Variants in FAM13A observed in about 807,000 individuals in gnomAD.
FAM13A encodes family with sequence similarity 13 member A.
A neutral mutation model predicts 129.6 loss-of-function variants in FAM13A; 76 were observed. That is an observed-to-expected ratio of 0.59 (90% confidence interval 0.49 to 0.71). The LOEUF (loss-of-function observed/expected upper bound fraction) is 0.71. Ranked by LOEUF, FAM13A falls within the 30% of genes least tolerant of loss-of-function variation. The probability of loss-of-function intolerance (pLI) is 0.00; values close to 1 mark genes in which losing one functional copy is unlikely to be tolerated. For missense variants in FAM13A, 1,108 were observed against 1,249.3 expected, an observed-to-expected ratio of 0.89 and a Z score of 1.70; for synonymous variants, 443 against 449.9, an observed-to-expected ratio of 0.98 and a Z score of 0.20.
In FAM13A at chr4:88,915,071, T is replaced by C. The variant is rs76081928; in HGVS notation, c.760-8609A>G. ...AAGACAGAGAGCAATACTGATATGA[T>C]TACAAATTGAAGTAGCAAAGGCCCA... is the stretch of plus-strand genomic sequence containing the variant. On this transcript the variant is annotated intron_variant, in intron 5 of 23. Coordinates refer to ENST00000264344, the MANE Select transcript of FAM13A (RefSeq NM_014883.4). Among the ~76,000 whole-genome samples, 1,129 of 152,268 alleles carry C rather than the reference T, an allele frequency of 7.4e-3. 56 individuals are homozygous for C. Among genetic ancestry groups the C allele is most frequent in the Admixed American group, 0.058 (885 of 15,292 alleles).
At chr4:88,756,261 G>C (rs907654485) in intron 14 of FAM13A, among the ~76,000 whole-genome samples, 17 of 152,274 alleles carry the variant, frequency 1.1e-4, no homozygotes, top group Non-Finnish European at 2.4e-4. Flanking sequence ...AGCATGACCA[G>C]ACTCGGATCC....
At chr4:88,841,001 AC>A (rs755312195) in intron 7 of FAM13A, among the ~76,000 whole-genome samples, 4,495 of 129,728 alleles carry the variant, frequency 0.035, 92 homozygotes, top group Non-Finnish European at 0.047. Context: ...TGGATCAAAG[AC>A]CAAAATGGAT....
intron 6 of FAM13A, among the ~76,000 whole-genome samples, chr4:88,883,047 CAGCAATACAATAAT>C (rs1201298790): frequency 6.6e-6 from 1 of 152,128 alleles, no homozygotes; most frequent in East Asian, 1.9e-4. Context: ...ATAAGATAGA[CAGCAATACAATAAT>C]AGTCAGAGAC....
chr4:88,885,545 C>T (rs1264670458), intron 6 of FAM13A, among the ~76,000 whole-genome samples: 2 of 152,130 alleles, frequency 1.3e-5, no homozygotes, highest in African/African-American at 2.4e-5. Context: ...GACCTGAGCC[C>T]ACAAAAATTC....
chr4:89,012,477 A>C (rs1330700497), intron 3 of FAM13A, among the ~76,000 whole-genome samples: 2 of 152,236 alleles, frequency 1.3e-5, no homozygotes, highest in African/African-American at 2.4e-5. Context: ...TCTGGAAGAA[A>C]TAAAATAGAG....
intron 6 of FAM13A, among the ~76,000 whole-genome samples, chr4:88,890,655 C>G (rs1331186895): frequency 6.6e-6 from 1 of 152,022 alleles, no homozygotes; most frequent in Non-Finnish European, 1.5e-5. Context: ...AAGGAAATAA[C>G]AATCAGAGAT....
chr4:88,880,361 C>A (rs1324177354), intron 6 of FAM13A, among the ~76,000 whole-genome samples: 1 of 152,104 alleles, frequency 6.6e-6, no homozygotes, highest in African/African-American at 2.4e-5. Context: ...TTGACCTTAC[C>A]TGGAGCTGAG....
chr4:89,016,609 T>A (rs1444632290), intron 3 of FAM13A, among the ~76,000 whole-genome samples: 1 of 152,068 alleles, frequency 6.6e-6, no homozygotes, highest in Non-Finnish European at 1.5e-5. Context: ...TATACTATAT[T>A]TTTACGTACC....
chr4:89,047,848 T>C (rs948019438), intron 1 of FAM13A, among the ~76,000 whole-genome samples: 1 of 152,084 alleles, frequency 6.6e-6, no homozygotes, highest in African/African-American at 2.4e-5. Context: ...GCAAAAAATA[T>C]GAAAACACAT....
At chr4:89,050,843 G>C (rs187740066) in intron 1 of FAM13A, among the ~76,000 whole-genome samples, 1 of 152,168 alleles carries the variant, frequency 6.6e-6, no homozygotes, top group Admixed American at 6.5e-5. Context: ...CAGGAGAATT[G>C]TTCGAACTCA....
chr4:88,932,020 A>G (rs1183803136), intron 5 of FAM13A, among the ~76,000 whole-genome samples: 1 of 152,224 alleles, frequency 6.6e-6, no homozygotes, highest in Non-Finnish European at 1.5e-5. Flanking sequence ...GGGCTACAGA[A>G]GAGGTTAGGA....
chr4:88,766,952 G>C (rs767022747), intron 13 of FAM13A, among the ~76,000 whole-genome samples: 8 of 152,214 alleles, frequency 5.3e-5, no homozygotes, highest in Non-Finnish European at 8.8e-5. Context: ...TCAGCACACT[G>C]AATGGAAGCT....
chr4:88,746,904 C>A, intron 19 of FAM13A, 28 bp downstream of exon 19: 1 of 1,454,328 alleles, frequency 6.9e-7, no homozygotes, highest in South Asian at 1.1e-5. Flanking sequence ...TAATTGACCC[C>A]AATCAGAAAA....
At chr4:88,788,159 T>C (rs2149660382) in intron 9 of FAM13A, among the ~76,000 whole-genome samples, 1 of 152,324 alleles carries the variant, frequency 6.6e-6, no homozygotes, top group Admixed American at 6.5e-5. Context: ...TTTCTCATCT[T>C]TGTGAAGCCA....
chr4:89,044,378 G>A (rs901680545), intron 1 of FAM13A, among the ~76,000 whole-genome samples: 1 of 152,102 alleles, frequency 6.6e-6, no homozygotes, highest in African/African-American at 2.4e-5. Flanking sequence ...ATGAGATATC[G>A]CTTCACACCA....
intron 5 of FAM13A, among the ~76,000 whole-genome samples, chr4:88,929,939 A>G (rs900653112): frequency 6.6e-6 from 1 of 152,006 alleles, no homozygotes; most frequent in African/African-American, 2.4e-5. Context: ...GGGTCTTGCC[A>G]TGTTGCCCAA....
At chr4:88,746,169 C>T (rs187699451) in intron 19 of FAM13A, among the ~76,000 whole-genome samples, 15 of 152,310 alleles carry the variant, frequency 9.8e-5, no homozygotes, top group Middle Eastern at 3.4e-3. Flanking sequence ...ACCTAAACTT[C>T]GTGCTTCCTT....
chr4:88,823,197 G>C lies in FAM13A; in HGVS notation c.1008-18145C>G, dbSNP rs561531174. On this transcript the variant is annotated intron_variant, in intron 7 of 23. Coordinates refer to ENST00000264344, the MANE Select transcript of FAM13A (RefSeq NM_014883.4). The stretch of plus-strand genomic sequence containing the variant: ...GCTCTCAGCCTCCAAACTTCTTCAG[G>C]CAATGCTATTTTATCGGCTGCTTCT... 3.5e-4 allele frequency: 512 copies of C among 1,445,482 alleles called. 2 individuals carry two copies. In the African/African-American group the frequency reaches 4.0e-3, roughly 11 times the overall value. The allele number at this position is 1,445,482 out of a possible 1,614,324, so 89.5% of individuals were successfully genotyped here. A position where few individuals can be genotyped will look rare whatever the true frequency, so the allele number is the denominator to read the frequency against.
At chr4:88,823,318 C>A in intron 7 of FAM13A, 1 of 1,129,510 alleles carries the variant, frequency 8.9e-7, no homozygotes, top group Non-Finnish European at 1.1e-6. Context: ...GCACTAAAGG[C>A]GCTCCTCCTC....
Sources: allele counts gnomAD v4.1 joint callset (sites outside exome capture counted in the v4.1 genomes callset), GRCh38; gene constraint gnomAD v4.1.1; transcripts MANE v1.5; gene names NCBI Gene and HGNC (gene_info 2026-07-23, HGNC 2026-07-21).